Variants in SLC39A14 observed in about 807,000 individuals in gnomAD.
The protein encoded by SLC39A14 is solute carrier family 39 member 14.
SLC39A14 carries 19 observed loss-of-function variants against 45.5 expected under a neutral mutation model. That is an observed-to-expected ratio of 0.42 (90% CI 0.29 to 0.61). The LOEUF (loss-of-function observed/expected upper bound fraction) is 0.61, where lower values mean the gene tolerates loss of function less well. Ranked by LOEUF, SLC39A14 falls within the 20% of genes least tolerant of loss-of-function variation. The pLI is 0.22. For missense variants in SLC39A14, 447 were observed against 616.5 expected (o/e 0.73, Z 2.91); for synonymous variants, 264 against 251.3 (o/e 1.05, Z -0.48).
intron 1 of SLC39A14, among the ~76,000 whole-genome samples, chr8:22,369,281 C>T (rs1832808724): frequency 6.6e-6 from 1 of 152,180 alleles, no homozygotes; most frequent in Non-Finnish European, 1.5e-5. Context: ...TGAGGGAGGG[C>T]AGTGCTGAGC....
chr8:22,408,225 T>C, intron 2 of SLC39A14, 85 bp from the exon 3 acceptor site: 1 of 1,224,666 alleles, frequency 8.2e-7, no homozygotes, highest in South Asian at 1.5e-5. Flanking sequence ...CTTTTTCCTC[T>C]GGGAAGGCTG....
rs1161957329 is a variant in SLC39A14 at position 22,408,426 on chromosome 8, C to G, written c.387C>G (p.Ala129=). Residue 129 remains alanine, a synonymous_variant, in exon 3 of 9, where the codon GCC becomes GCG. Transcript: ENST00000381237. ...PTILQQLDSR[A]CTSENQENEE... Reference sequence around the variant, plus strand: ...TCCTCCAGCAGCTGGATTCCCGGGCCTGCACCTCGGAGAACCAGGAAAACG... The same window carrying G: ...TCCTCCAGCAGCTGGATTCCCGGGCGTGCACCTCGGAGAACCAGGAAAACG... 10 of 1,614,112 alleles carry G rather than the reference C, an allele frequency of 6.2e-6. No individual in the cohort carries two copies. The highest frequency in any genetic ancestry group is 7.6e-6 in the Non-Finnish European group (9 of 1,180,050).
At chr8:22,384,248 G>GA (rs1245756581) in intron 1 of SLC39A14, among the ~76,000 whole-genome samples, 1 of 152,204 alleles carries the variant, frequency 6.6e-6, no homozygotes, top group Admixed American at 6.5e-5. Context: ...GAGCCACTGA[G>GA]AAATTCTAGA....
intron 1 of SLC39A14, among the ~76,000 whole-genome samples, chr8:22,393,667 T>C (rs1340315379): frequency 6.6e-6 from 1 of 152,138 alleles, no homozygotes; most frequent in Non-Finnish European, 1.5e-5. Context: ...TTTAATTGAT[T>C]TATGTTATTT....
intron 8 of SLC39A14, among the ~76,000 whole-genome samples, chr8:22,430,984 A>G (rs888760106): frequency 8.3e-6 from 1 of 121,208 alleles, no homozygotes; most frequent in Admixed American, 8.7e-5. Context: ...GGGACTCCCA[A>G]TTCCCTCTTT....
At position 22,421,138 on chromosome 8, in the gene SLC39A14, AGCCTTTCT is replaced by A; in HGVS notation, c.*1441_*1448del. 2.0e-6 allele frequency: 2 copies of A among 985,840 alleles called. No individual in the cohort carries two copies. Among genetic ancestry groups the A allele is most frequent in the Non-Finnish European group, 2.4e-6 (2 of 829,940 alleles). The allele number at this position is 985,840 out of a possible 1,614,324, so 61.1% of individuals were successfully genotyped here. A position where few individuals can be genotyped will look rare whatever the true frequency, so the allele number is the denominator to read the frequency against. On this transcript the variant is annotated 3_prime_UTR_variant, in exon 9 of 9. Coordinates refer to ENST00000381237, the MANE Select transcript of SLC39A14 (RefSeq NM_001128431.4). ...ACTTTGGGGAGCCTGTCTCTCCAGA[AGCCTTTCT>A]TAGTGGTGCCCACAGTTGGAGCCCA...
intron 8 of SLC39A14, among the ~76,000 whole-genome samples, chr8:22,433,178 C>T (rs1409941921): frequency 7.9e-5 from 12 of 152,030 alleles, no homozygotes; most frequent in Non-Finnish European, 1.5e-4. Flanking sequence ...TTTTTTATTA[C>T]ACCACCAAGT....
Position 22,404,885 on chromosome 8 carries a change from CTG to C in SLC39A14, c.176_177del (p.Leu59ProfsTer18). On this transcript the variant is annotated frameshift_variant, in exon 2 of 9. Transcript: ENST00000381237. LOFTEE classifies it high-confidence loss of function. The part of the protein sequence containing the change: ...HRYGEGDSLT[L>X]QQLKALLNHL... ...GTATGGCGAGGGTGACAGCCTCACT[CTG>C]CAGCAGCTGAAGGCCCTACTCAACC... The C allele has an allele frequency of 6.2e-7, 1 of 1,614,192 alleles. No individual in the cohort carries two copies. Among genetic ancestry groups the C allele is most frequent in the Non-Finnish European group, 8.5e-7 (1 of 1,180,024 alleles).
chr8:22,430,277 A>G (rs1836447543), intron 8 of SLC39A14, among the ~76,000 whole-genome samples: 1 of 152,212 alleles, frequency 6.6e-6, no homozygotes, highest in South Asian at 2.1e-4. Context: ...TAAGTTGCCC[A>G]GTCTGGTCTC....
At chr8:22,373,132 GCA>G (rs1308800359) in intron 1 of SLC39A14, among the ~76,000 whole-genome samples, 35 of 151,976 alleles carry the variant, frequency 2.3e-4, no homozygotes, top group African/African-American at 8.4e-4. Flanking sequence ...GTGTGGTGGT[GCA>G]CGCCTGTAGT....
Position 22,421,073 on chromosome 8 carries a change from AT to A in SLC39A14, c.*1378del. On this transcript the variant is annotated 3_prime_UTR_variant, in exon 9 of 9. Coordinates refer to ENST00000381237, the MANE Select transcript of SLC39A14 (RefSeq NM_001128431.4). ...TTCTCCAGGTTCACTAGGTGAATTG[AT>A]TTATTATTATCATATTGATAATGTG... 1 of 985,764 alleles carries A rather than the reference AT, an allele frequency of 1.0e-6. No homozygotes were observed. Among genetic ancestry groups the A allele is most frequent in the Non-Finnish European group, 1.2e-6 (1 of 829,920 alleles). The allele number at this position is 985,764 out of a possible 1,614,324, so 61.1% of individuals were successfully genotyped here.
intron 8 of SLC39A14, among the ~76,000 whole-genome samples, chr8:22,430,291 G>A (rs1276291649): frequency 6.6e-6 from 1 of 152,116 alleles, no homozygotes; most frequent in Non-Finnish European, 1.5e-5. Context: ...TGGTCTCCAA[G>A]TCCTGGGCTC....
intron 1 of SLC39A14, among the ~76,000 whole-genome samples, chr8:22,382,627 C>T (rs1449889414): frequency 3.9e-5 from 6 of 152,044 alleles, no homozygotes; most frequent in South Asian, 2.1e-4. Context: ...AGCTATGATC[C>T]GGGCACTGCA....
intron 3 of SLC39A14, chr8:22,410,210 A>G (rs752581115): frequency 5.0e-5 from 64 of 1,277,524 alleles, no homozygotes; most frequent in African/African-American, 8.8e-5. Context: ...AAGGCACCCA[A>G]TGACTGCCAC....
chr8:22,398,477 G>T (rs4872485), intron 1 of SLC39A14, among the ~76,000 whole-genome samples: 87,093 of 151,958 alleles, frequency 0.57, 26,250 homozygotes, highest in East Asian at 0.77. Context: ...TTTTCATGTT[G>T]TGTTTCTGCG....
At chr8:22,433,101 G>C (rs1007742228) in intron 8 of SLC39A14, among the ~76,000 whole-genome samples, 20 of 152,062 alleles carry the variant, frequency 1.3e-4, no homozygotes, top group Non-Finnish European at 1.5e-5. Flanking sequence ...TCTGCACCTG[G>C]CCTTATTTTC....
Position 22,417,817 on chromosome 8 carries a change from T to C in SLC39A14, c.1314T>C (p.Tyr438=), listed in dbSNP as rs759228155. 3 of 1,614,006 alleles carry C rather than the reference T, an allele frequency of 1.9e-6. No homozygotes were observed. Among genetic ancestry groups the C allele is most frequent in the South Asian group, 1.1e-5 (1 of 91,076 alleles). ...IFALAGGMFL[Y]ISLADMFPEM... The stretch of plus-strand genomic sequence containing the variant: ...CGCTAGCTGGAGGAATGTTCTTGTA[T>C]ATTTCTCTGGCTGATATGGTAAGTG... The change falls in exon 8 of 9, where the codon TAT becomes TAC. Residue 438 remains tyrosine (Y), a synonymous_variant. Transcript: ENST00000381237.
chr8:22,400,479 G>A (rs1834794110), intron 1 of SLC39A14, among the ~76,000 whole-genome samples: 1 of 152,152 alleles, frequency 6.6e-6, no homozygotes, highest in African/African-American at 2.4e-5. Flanking sequence ...TTCACAGTCT[G>A]CTCTGATGGA....
At chr8:22,379,854 G>A (rs1264083974) in intron 1 of SLC39A14, among the ~76,000 whole-genome samples, 1 of 150,866 alleles carries the variant, frequency 6.6e-6, no homozygotes, top group Non-Finnish European at 1.5e-5. Flanking sequence ...CCTTGAACCC[G>A]GGAGGCAGAG....
Sources: allele counts gnomAD v4.1 joint callset (sites outside exome capture counted in the v4.1 genomes callset), GRCh38; gene constraint gnomAD v4.1.1; transcripts MANE v1.5; gene names NCBI Gene and HGNC (gene_info 2026-07-23, HGNC 2026-07-21).